APOOL: variants seen among roughly 807,000 people sequenced by gnomAD.
APOOL encodes MICOS complex subunit MIC27.
A neutral mutation model predicts 23.1 loss-of-function variants in APOOL; 12 were observed. The observed-to-expected ratio is 0.52, with a 90% CI of 0.33 to 0.84. The LOEUF is 0.84. Ranked by LOEUF, APOOL falls within the 40% of genes least tolerant of loss-of-function variation. The pLI is 0.02. For missense variants in APOOL, 212 were observed against 199.6 expected (o/e 1.06, Z -0.37); for synonymous variants, 77 against 69.9 (o/e 1.10, Z -0.51).
chrX:85,088,028 T>A lies in APOOL; in HGVS notation c.*350T>A, dbSNP rs1924377369. On this transcript the variant is annotated 3_prime_UTR_variant, in exon 9 of 9. Coordinates refer to ENST00000373173, the MANE Select transcript of APOOL (RefSeq NM_198450.6). ...TATGTATGTATAAATACATACATAT[T>A]TATACATGTATAAATACGTATTTAT... The A allele has an allele frequency of 1.0e-5, 1 of 96,400 alleles. No individual in the cohort carries two copies. Among genetic ancestry groups the A allele is most frequent in the South Asian group, 4.5e-4 (1 of 2,233 alleles). 7.9% of individuals were successfully genotyped at this position (96,400 alleles called of 1,213,427 possible). A position where few individuals can be genotyped will look rare whatever the true frequency, so the allele number is the denominator to read the frequency against.
chrX:85,051,369 T>C lies in APOOL; in HGVS notation c.121-20T>C, dbSNP rs777037814. 1 of 1,206,416 alleles carries C rather than the reference T, an allele frequency of 8.3e-7. No homozygotes were observed. On this transcript the variant is annotated intron_variant, in intron 2 of 8. Coordinates refer to ENST00000373173, the MANE Select transcript of APOOL (RefSeq NM_198450.6). Reference sequence around the variant, plus strand: ...GTCCAGCTATTTTATGTTTTTGACATGAACATTTTTTGCCTGTAGCTCCCC... The same window carrying C: ...GTCCAGCTATTTTATGTTTTTGACACGAACATTTTTTGCCTGTAGCTCCCC...
At chrX:85,070,679 C>A (rs761001662) in intron 6 of APOOL, among the ~76,000 whole-genome samples, 1 of 110,865 alleles carries the variant, frequency 9.0e-6, no homozygotes, top group East Asian at 2.8e-4. Context: ...TCCATCACCA[C>A]CCATGCAGCA....
At chrX:85,037,408 C>A (rs764296128) in intron 1 of APOOL, among the ~76,000 whole-genome samples, 2 of 111,674 alleles carry the variant, frequency 1.8e-5, no homozygotes, top group Admixed American at 9.5e-5. Context: ...TGTCATTCTT[C>A]TCTTGTCTGC....
chrX:85,085,399 G>A (rs753346718), intron 8 of APOOL, among the ~76,000 whole-genome samples: 13 of 111,567 alleles, frequency 1.2e-4, no homozygotes, highest in African/African-American at 3.9e-4. Context: ...CCAGAGACAC[G>A]AAGTTAAGAA....
At chrX:85,050,986 T>G (rs921972730) in intron 2 of APOOL, among the ~76,000 whole-genome samples, 2 of 111,259 alleles carry the variant, frequency 1.8e-5, no homozygotes, top group Admixed American at 1.9e-4. Context: ...TGCTGTAATT[T>G]TTATATTTAC....
At chrX:85,022,829 T>G (rs1369394809) in intron 1 of APOOL, among the ~76,000 whole-genome samples, 1 of 112,052 alleles carries the variant, frequency 8.9e-6, no homozygotes, top group Non-Finnish European at 1.9e-5. Flanking sequence ...GGATGTATTT[T>G]TCCCCAAACC....
At chrX:85,065,213 C>T (rs1270830042) in intron 5 of APOOL, among the ~76,000 whole-genome samples, 1 of 110,806 alleles carries the variant, frequency 9.0e-6, no homozygotes, top group Non-Finnish European at 1.9e-5. Flanking sequence ...CTGTTTTTTT[C>T]TGCTTTCCAT....
chrX:85,076,657 A>G (rs951389232), intron 8 of APOOL, among the ~76,000 whole-genome samples: 5 of 110,681 alleles, frequency 4.5e-5, no homozygotes, highest in African/African-American at 1.6e-4. Context: ...CATTGAGCAT[A>G]CTTAAAGAGC....
chrX:85,086,459 T>A (rs186432309), intron 8 of APOOL, among the ~76,000 whole-genome samples: 1 of 111,682 alleles, frequency 9.0e-6, no homozygotes, highest in Non-Finnish European at 1.9e-5. Flanking sequence ...AAATGTCACC[T>A]CCATTCTTCC....
At chrX:85,014,907 A>G (rs927388962) in intron 1 of APOOL, among the ~76,000 whole-genome samples, 3 of 109,887 alleles carry the variant, frequency 2.7e-5, no homozygotes, top group African/African-American at 9.9e-5. Flanking sequence ...TATTCCTTCA[A>G]ACGAGTTTTC....
At chrX:85,040,807 CT>C (rs754209418) in intron 1 of APOOL, among the ~76,000 whole-genome samples, 1 of 111,653 alleles carries the variant, frequency 9.0e-6, no homozygotes, top group South Asian at 3.7e-4. Context: ...TCTTTAAATA[CT>C]TTGGATTTGG....
In APOOL at chrX:85,074,318, C is replaced by T. The variant is rs753143417; in HGVS notation, c.645C>T (p.His215=). The change falls in exon 8 of 9, where the codon CAC becomes CAT. Residue 215 remains histidine (H), a synonymous_variant. Coordinates refer to ENST00000373173, the MANE Select transcript of APOOL (RefSeq NM_198450.6). ...SEIEVPAKTT[H]VLKHSVPLPT... The stretch of plus-strand genomic sequence containing the variant: ...TAGAAGTACCTGCAAAAACAACTCA[C>T]GTCTTGAAACACTCAGTGCCCTTGC... 13 of 1,210,738 alleles carry T rather than the reference C, an allele frequency of 1.1e-5. No individual in the cohort carries two copies. The highest frequency in any genetic ancestry group is 1.5e-5 in the Non-Finnish European group (13 of 894,562).
rs1924519752 is a variant in APOOL, at chrX:85,091,647, G to C, written c.*3969G>C. ...GAGAGAAACATAGAAATATAGTGTT[G>C]TATGTGGTATCTTCCCTAAGATAAG... On this transcript the variant is annotated 3_prime_UTR_variant, in exon 9 of 9. Coordinates refer to ENST00000373173, the MANE Select transcript of APOOL (RefSeq NM_198450.6). 9.0e-6 allele frequency: 1 copy of C among 111,701 alleles called. No homozygotes were observed. The highest frequency in any genetic ancestry group is 1.9e-5 in the Non-Finnish European group (1 of 53,182). 9.2% of individuals were successfully genotyped at this position (111,701 alleles called of 1,213,427 possible).
At chrX:85,029,260 A>T (rs1207364048) in intron 1 of APOOL, among the ~76,000 whole-genome samples, 1 of 111,592 alleles carries the variant, frequency 9.0e-6, no homozygotes, top group Non-Finnish European at 1.9e-5. Flanking sequence ...TCCCTGCCCT[A>T]TCATATAAAA....
At chrX:85,009,494 T>A (rs778223518) in intron 1 of APOOL, among the ~76,000 whole-genome samples, 13 of 112,303 alleles carry the variant, frequency 1.2e-4, no homozygotes, top group African/African-American at 3.5e-4. Flanking sequence ...TTCATTGAAA[T>A]GATCATGTTG....
At chrX:85,007,238 C>T (rs1805825879) in intron 1 of APOOL, among the ~76,000 whole-genome samples, 1 of 111,299 alleles carries the variant, frequency 9.0e-6, no homozygotes, top group Non-Finnish European at 1.9e-5. Context: ...CTAATGTTGG[C>T]TCTAGTAGTG....
At chrX:85,029,988 C>T (rs757087597) in intron 1 of APOOL, among the ~76,000 whole-genome samples, 26 of 111,983 alleles carry the variant, frequency 2.3e-4, no homozygotes, top group African/African-American at 6.5e-4. Flanking sequence ...ACCACTTGAT[C>T]CAGCAGTCCC....
Position 85,065,944 on chromosome X carries a change from A to G in APOOL, c.395-1183A>G, listed in dbSNP as rs199792187. Among the ~76,000 whole-genome samples, 5 of 111,273 alleles carry G rather than the reference A, an allele frequency of 4.5e-5. No homozygotes were observed. In the East Asian group the frequency reaches 1.1e-3, roughly 25 times the overall value. On this transcript the variant is annotated intron_variant, in intron 5 of 8. Transcript: ENST00000373173. ...AAGTCTAAATCTAAAGAAAAGCTAAACTAGTTTGAATCAGCCTGGCCACCC... is the reference window on the plus strand; with the variant it reads ...AAGTCTAAATCTAAAGAAAAGCTAAGCTAGTTTGAATCAGCCTGGCCACCC...
intron 1 of APOOL, among the ~76,000 whole-genome samples, chrX:85,030,317 G>A (rs1209032258): frequency 9.1e-6 from 1 of 110,085 alleles, no homozygotes; most frequent in Non-Finnish European, 1.9e-5. Context: ...AGTACACAGA[G>A]GCATGCAGAG....
Sources: gnomAD v4.1 joint callset for allele counts (sites outside exome capture counted in the v4.1 genomes callset) on GRCh38, gnomAD v4.1.1 for gene constraint, MANE v1.5 for transcripts, NCBI Gene and HGNC (gene_info 2026-07-23, HGNC 2026-07-21) for gene names.